Variants in ABHD6 observed in about 807,000 individuals in gnomAD.
ABHD6 encodes monoacylglycerol lipase ABHD6.
Under a neutral mutation model 38.8 loss-of-function variants are expected in ABHD6, and 33 were observed. That is an observed-to-expected ratio of 0.85 (90% confidence interval 0.64 to 1.14). The LOEUF (loss-of-function observed/expected upper bound fraction) is 1.14. Ranked by LOEUF, ABHD6 falls within the 50% of genes most tolerant of loss-of-function variation. The probability of loss-of-function intolerance (pLI) is 0.00; values close to 1 mark genes in which losing one functional copy is unlikely to be tolerated. For synonymous variants in ABHD6, 147 were observed against 161.6 expected, an observed-to-expected ratio of 0.91 and a Z score of 0.69; for missense variants, 380 against 422.6, an observed-to-expected ratio of 0.90 and a Z score of 0.88.
At chr3:58,281,380 G>T (rs917320229) in intron 7 of ABHD6, among the ~76,000 whole-genome samples, 2 of 152,188 alleles carry the variant, frequency 1.3e-5, no homozygotes, top group African/African-American at 4.8e-5. Flanking sequence ...GCAAGGCTCT[G>T]TGGGCCTGGG....
At position 58,267,198 on chromosome 3, in the gene ABHD6, G is replaced by A. The variant is rs1029093710; in HGVS notation, c.129G>A (p.Arg43=). ...ALIRIYYWYW[R]RTLGMQVRYV... ...TTCTCACCCCTTCCAGGTACTGGCG[G>A]AGGACATTGGGCATGCAAGTCCGCT... Residue 43 remains arginine (R), a synonymous_variant, in exon 4 of 10, where the codon CGG becomes CGA. Coordinates refer to ENST00000478253, the MANE Select transcript of ABHD6 (RefSeq NM_001320126.2). This position sits in a 1 kb window ranked among gnomAD's most constrained non-coding sequence, Gnocchi z 4.3. 3.1e-6 allele frequency: 5 copies of A among 1,613,986 alleles called. No homozygotes were observed. In the Admixed American group the frequency reaches 8.3e-5, roughly 27 times the overall value.
In ABHD6 at chr3:58,238,536, C is replaced by G. The variant is rs1004407583; in HGVS notation, c.-91+620C>G. The G allele has an allele frequency of 6.6e-6, 1 of 152,512 alleles. No individual in the cohort carries two copies. The highest frequency in any genetic ancestry group is 2.4e-5 in the African/African-American group (1 of 41,460). The allele number at this position is 152,512 out of a possible 1,614,324, so 9.4% of individuals were successfully genotyped here. ...CCGCCGGCAACTTGCGGTCCCCCGC[C>G]TACAGCGACACAGGTTTCACGGCTG... On this transcript the variant is annotated intron_variant, in intron 1 of 9. Transcript: ENST00000478253. This position sits in a 1 kb window ranked among gnomAD's most constrained non-coding sequence, Gnocchi z 6.9.
At chr3:58,290,013 C>T (rs1331845954) in intron 9 of ABHD6, among the ~76,000 whole-genome samples, 2 of 142,548 alleles carry the variant, frequency 1.4e-5, no homozygotes, top group East Asian at 2.1e-4. Context: ...ACCTCCCTCC[C>T]GGACGGGGCG....
In ABHD6 at chr3:58,249,937, T is replaced by A. The variant is rs1009932159; in HGVS notation, c.-31T>A. The A allele has an allele frequency of 6.6e-6, 1 of 152,196 alleles. No homozygotes were observed. The highest frequency in any genetic ancestry group is 1.5e-5 in the Non-Finnish European group (1 of 68,044). 9.4% of individuals were successfully genotyped at this position (152,196 alleles called of 1,614,324 possible). ...AGTTGGGAAAGAAGGCTGTGCTCTT[T>A]GAAGAGTGAGTATGGATTTTAACCA... On this transcript the variant is annotated 5_prime_UTR_variant, in exon 2 of 10. Coordinates refer to ENST00000478253, the MANE Select transcript of ABHD6 (RefSeq NM_001320126.2).
In ABHD6 at chr3:58,238,942, G is replaced by A. The variant is rs1423135724; in HGVS notation, c.-91+1026G>A. On this transcript the variant is annotated intron_variant, in intron 1 of 9. Transcript: ENST00000478253. The surrounding 1 kb of genome is among the most constrained non-coding windows in gnomAD (Gnocchi z 6.9). ...GACATAGAATAAGCAAATCTTGTGTGCCAGGCCCTGTCCTAAGCCCCTTAA... is the reference window on the plus strand; with the variant it reads ...GACATAGAATAAGCAAATCTTGTGTACCAGGCCCTGTCCTAAGCCCCTTAA... 3.3e-5 allele frequency among the ~76,000 whole-genome samples: 5 copies of A among 152,024 alleles called. No individual in the cohort carries two copies. Among genetic ancestry groups the A allele is most frequent in the African/African-American group, 1.2e-4 (5 of 41,384 alleles).
At chr3:58,271,928 C>G (rs2097445331) in intron 6 of ABHD6, among the ~76,000 whole-genome samples, 1 of 151,834 alleles carries the variant, frequency 6.6e-6, no homozygotes, top group African/African-American at 2.4e-5. Context: ...CCATGCCCAG[C>G]TAATTTTTTG....
chr3:58,249,428 T>A (rs1422569568), intron 1 of ABHD6, among the ~76,000 whole-genome samples: 6 of 152,204 alleles, frequency 3.9e-5, no homozygotes, highest in African/African-American at 1.4e-4. Flanking sequence ...CAACCCAGTT[T>A]TGGAGCGGTG....
Position 58,265,002 on chromosome 3 carries a change from T to TA in ABHD6, c.120-2186dup, listed in dbSNP as rs1192676682. Among the ~76,000 whole-genome samples, 1 of 113,306 alleles carries TA rather than the reference T, an allele frequency of 8.8e-6. No homozygotes were observed. The highest frequency in any genetic ancestry group is 1.8e-5 in the Non-Finnish European group (1 of 55,266). The allele number at this position is 113,306 out of a possible 152,430, so 74.3% of individuals were successfully genotyped here. A position where few individuals can be genotyped will look rare whatever the true frequency, so the allele number is the denominator to read the frequency against. ...AATAGTAGGTCTTATTCATTCTTTC[T>TA]ATTTTTTTTGTACCCATTAACCATC... On this transcript the variant is annotated intron_variant, in intron 3 of 9. Coordinates refer to ENST00000478253, the MANE Select transcript of ABHD6 (RefSeq NM_001320126.2). The surrounding 1 kb of genome is among the most constrained non-coding windows in gnomAD (Gnocchi z 4.2).
At chr3:58,258,918 C>G (rs867718045) in intron 3 of ABHD6, among the ~76,000 whole-genome samples, 2 of 152,330 alleles carry the variant, frequency 1.3e-5, no homozygotes, top group African/African-American at 2.4e-5. Context: ...GAGACTCACT[C>G]TGAAGCTGAA....
Position 58,271,764 on chromosome 3 carries a change from C to CTGTTTTT in ABHD6, c.523+702_523+708dup, listed in dbSNP as rs1559778796. 1.0e-4 allele frequency among the ~76,000 whole-genome samples: 8 copies of CTGTTTTT among 78,150 alleles called. 1 individual carries two copies. The South Asian group carries it at 3.0e-3, about 29-fold the overall frequency. The allele number at this position is 78,150 out of a possible 152,430, so 51.3% of individuals were successfully genotyped here. A position where few individuals can be genotyped will look rare whatever the true frequency, so the allele number is the denominator to read the frequency against. ...TTCTCTCCTCTATCTCCCCCTCTCT[C>CTGTTTTT]TGTTTTTTTTTTTTTTTTTTTTTTT... On this transcript the variant is annotated intron_variant, in intron 6 of 9. Coordinates refer to ENST00000478253, the MANE Select transcript of ABHD6 (RefSeq NM_001320126.2).
chr3:58,284,528 G>A (rs2097455574), intron 7 of ABHD6, among the ~76,000 whole-genome samples: 1 of 150,998 alleles, frequency 6.6e-6, no homozygotes, highest in African/African-American at 2.4e-5. Flanking sequence ...TCAGCTCACT[G>A]CAACCTCCGC....
chr3:58,271,687 A>T (rs531891565), intron 6 of ABHD6, among the ~76,000 whole-genome samples: 1 of 150,074 alleles, frequency 6.7e-6, no homozygotes, highest in African/African-American at 2.4e-5. Context: ...TTTTTCTTCT[A>T]TAAGTCTTTA....
At chr3:58,264,434 CACACACACACAT>C (rs752687221) in intron 3 of ABHD6, among the ~76,000 whole-genome samples, 5 of 128,706 alleles carry the variant, frequency 3.9e-5, no homozygotes, top group Middle Eastern at 4.1e-3. Flanking sequence ...CACACACACA[CACACACACACAT>C]ATGCCAGGTG....
chr3:58,288,824 C>G (rs1019854152), intron 9 of ABHD6, among the ~76,000 whole-genome samples: 1 of 152,196 alleles, frequency 6.6e-6, no homozygotes, highest in African/African-American at 2.4e-5. Flanking sequence ...GGTGCAGGGT[C>G]AGATCCTGTC....
At chr3:58,249,120 C>T (rs1368821716) in intron 1 of ABHD6, among the ~76,000 whole-genome samples, 1 of 152,136 alleles carries the variant, frequency 6.6e-6, no homozygotes, top group Non-Finnish European at 1.5e-5. Context: ...TATGTATTTA[C>T]AAATTTTAAT....
chr3:58,247,555 G>T (rs2097427268), intron 1 of ABHD6, among the ~76,000 whole-genome samples: 1 of 152,024 alleles, frequency 6.6e-6, no homozygotes, highest in Non-Finnish European at 1.5e-5. Context: ...AGTTTGTATT[G>T]TAGTTATTTT....
rs1043850217 is a variant in ABHD6 at position 58,287,143 on chromosome 3, G to A, written c.837+1690G>A. On this transcript the variant is annotated intron_variant, in intron 9 of 9. Transcript: ENST00000478253. This position sits in a 1 kb window ranked among gnomAD's most constrained non-coding sequence, Gnocchi z 4.7. ...AATAAATTTTTAAAAAAGTAGCCAAGCATGGTGGTATGCATCTGTAGTCCC... is the reference window on the plus strand; with the variant it reads ...AATAAATTTTTAAAAAAGTAGCCAAACATGGTGGTATGCATCTGTAGTCCC... Among the ~76,000 whole-genome samples, 4 of 151,830 alleles carry A rather than the reference G, an allele frequency of 2.6e-5. No homozygotes were observed. Among genetic ancestry groups the A allele is most frequent in the Non-Finnish European group, 4.4e-5 (3 of 67,976 alleles).
chr3:58,275,416 G>A (rs1482603687), intron 7 of ABHD6, among the ~76,000 whole-genome samples: 3 of 146,196 alleles, frequency 2.1e-5, no homozygotes, highest in East Asian at 2.0e-4. Context: ...TGCAACCTCT[G>A]CCTCCCAGGT....
intron 7 of ABHD6, among the ~76,000 whole-genome samples, chr3:58,276,146 G>C (rs2097448550): frequency 6.6e-6 from 1 of 152,154 alleles, no homozygotes; most frequent in Non-Finnish European, 1.5e-5. Flanking sequence ...TGGGATTGCT[G>C]GGTCAAATGG....
Sources: allele counts gnomAD v4.1 joint callset (sites outside exome capture counted in the v4.1 genomes callset), GRCh38; gene constraint gnomAD v4.1.1; non-coding constraint Gnocchi (gnomAD v3.1); transcripts MANE v1.5; gene names NCBI Gene and HGNC (gene_info 2026-07-23, HGNC 2026-07-21).